The following EHMT1 variants were observed in gnomAD, a reference collection of about 807,000 sequenced individuals.
EHMT1 encodes the protein histone-lysine N-methyltransferase EHMT1.
Under a neutral mutation model 147.2 loss-of-function variants are expected in EHMT1, and 15 were observed. The ratio of observed to expected loss-of-function variants is 0.10; its 90% CI spans 0.07 to 0.16. EHMT1 has a LOEUF of 0.16. Among genes scored for constraint, EHMT1 ranks in the 10% least tolerant of loss-of-function variants. The probability of loss-of-function intolerance (pLI) is 1.00; values close to 1 mark genes in which losing one functional copy is unlikely to be tolerated. For missense variants in EHMT1, 1,587 were observed against 1,772.4 expected (o/e 0.90, Z 1.88); for synonymous variants, 795 against 709.6 (o/e 1.12, Z -1.91).
At chr9:137,623,742 G>T (rs1032159645) in intron 1 of EHMT1, among the ~76,000 whole-genome samples, 1 of 152,138 alleles carries the variant, frequency 6.6e-6, no homozygotes, top group Admixed American at 6.5e-5. Flanking sequence ...TATTCTGCCC[G>T]TGCGCTTAGT....
intron 1 of EHMT1, among the ~76,000 whole-genome samples, chr9:137,676,848 G>A (rs1017645792): frequency 6.6e-6 from 1 of 152,114 alleles, no homozygotes; most frequent in African/African-American, 2.4e-5. Flanking sequence ...TCTGTGAGAT[G>A]GGGGTCCTGT....
chr9:137,684,829 T>C (rs980714929), intron 1 of EHMT1, among the ~76,000 whole-genome samples: 1 of 152,180 alleles, frequency 6.6e-6, no homozygotes, highest in Non-Finnish European at 1.5e-5. Context: ...ATATAACTAG[T>C]CAACGTCAGG....
In EHMT1 at chr9:137,659,018, G is replaced by GT. The variant is rs913280062; in HGVS notation, c.21+39972dup. ...GCAAGCCCACATCCTCTTTCCTTGA[G>GT]TTTGAGTCAATTGAATGTGTGTAAA... On this transcript the variant is annotated intron_variant, in intron 1 of 26. Coordinates refer to ENST00000460843, the MANE Select transcript of EHMT1 (RefSeq NM_024757.5). Among the ~76,000 whole-genome samples the GT allele has an allele frequency of 1.5e-3, 230 of 152,176 alleles. 1 individual carries two copies. Among genetic ancestry groups the GT allele is most frequent in the African/African-American group, 5.4e-3 (224 of 41,516 alleles).
Position 137,716,654 on chromosome 9 carries a change from A to T in EHMT1, c.114A>T (p.Ser38=), listed in dbSNP as rs1305499671. 1 of 1,588,320 alleles carries T rather than the reference A, an allele frequency of 6.3e-7. No homozygotes were observed. The highest frequency in any genetic ancestry group is 1.3e-5 in the African/African-American group (1 of 74,076). ...CACCTATGGCTGCCGATGAAGGCTC[A>T]GCAGAGAAACAGGCAGGAGAGGCCC... ...EETPMAADEG[S]AEKQAGEAHM... The change falls in exon 3 of 27, where the codon TCA becomes TCT. Residue 38 remains serine (S), a synonymous_variant. Transcript: ENST00000460843.
intron 25 of EHMT1, among the ~76,000 whole-genome samples, chr9:137,830,386 T>G (rs753204794): frequency 1.3e-5 from 2 of 152,248 alleles, no homozygotes; most frequent in African/African-American, 4.8e-5. Flanking sequence ...CAGGGTGCCA[T>G]GGGCTCTTGA....
intron 3 of EHMT1, among the ~76,000 whole-genome samples, chr9:137,720,163 G>C (rs1345242327): frequency 6.7e-6 from 1 of 148,184 alleles, no homozygotes; most frequent in African/African-American, 2.5e-5. Flanking sequence ...CACAGTCGAG[G>C]TGCCGAACCC....
In EHMT1 at chr9:137,817,422, T is replaced by A; in HGVS notation, c.3375-17T>A. 2 of 1,611,400 alleles carry A rather than the reference T, an allele frequency of 1.2e-6. No individual in the cohort carries two copies. The highest frequency in any genetic ancestry group is 1.7e-6 in the Non-Finnish European group (2 of 1,178,138). On this transcript the variant is annotated splice_polypyrimidine_tract_variant and intron_variant, in intron 23 of 26. Coordinates refer to ENST00000460843, the MANE Select transcript of EHMT1 (RefSeq NM_024757.5). ...TGAGGCTGTGGCCTGGGTTCACCACTACTCTCTATTTTTCAGGGCAAGGCT... is the reference window on the plus strand; with the variant it reads ...TGAGGCTGTGGCCTGGGTTCACCACAACTCTCTATTTTTCAGGGCAAGGCT...
chr9:137,698,809 T>C (rs1943602947), intron 1 of EHMT1, among the ~76,000 whole-genome samples: 1 of 152,184 alleles, frequency 6.6e-6, no homozygotes, highest in Non-Finnish European at 1.5e-5. Flanking sequence ...TATGGGCTTG[T>C]CTTTGAATAA....
Position 137,700,220 on chromosome 9 carries a change from G to C in EHMT1, c.22-10747G>C, listed in dbSNP as rs1434607111. The stretch of plus-strand genomic sequence containing the variant: ...TCTATCCCTTTTGGATATTTTCTGA[G>C]CTGTGAATGTAACTGGGTGTCTCAT... On this transcript the variant is annotated intron_variant, in intron 1 of 26. Coordinates refer to ENST00000460843, the MANE Select transcript of EHMT1 (RefSeq NM_024757.5). Among the ~76,000 whole-genome samples, 4 of 152,130 alleles carry C rather than the reference G, an allele frequency of 2.6e-5. No individual in the cohort carries two copies. In the South Asian group the frequency reaches 8.3e-4, roughly 32 times the overall value.
intron 25 of EHMT1, among the ~76,000 whole-genome samples, chr9:137,824,754 A>G (rs1396553611): frequency 3.3e-5 from 5 of 152,262 alleles, no homozygotes; most frequent in Admixed American, 2.0e-4. Context: ...TGTATTATAA[A>G]CAGTATTGTT....
intron 3 of EHMT1, among the ~76,000 whole-genome samples, chr9:137,722,276 A>G (rs912691975): frequency 6.6e-6 from 1 of 152,224 alleles, no homozygotes; most frequent in East Asian, 1.9e-4. Flanking sequence ...AAATTTTTAG[A>G]AAATTCTCTG....
At chr9:137,790,992 A>G (rs367996300) in intron 16 of EHMT1, 22 bp downstream of exon 16, 7 of 1,614,074 alleles carry the variant, frequency 4.3e-6, no homozygotes, top group Middle Eastern at 1.6e-4. Context: ...TGTCAGAATC[A>G]ACGTCCTAGT....
chr9:137,815,574 A>AGTGCAGGAGG (rs1954853788), intron 22 of EHMT1: 1 of 338,642 alleles, frequency 3.0e-6, no homozygotes, highest in African/African-American at 2.1e-5. Flanking sequence ...GGAGGCCAGG[A>AGTGCAGGAGG]GTGCAGGAGG....
At chr9:137,639,796 ATTTTAT>A (rs935151729) in intron 1 of EHMT1, among the ~76,000 whole-genome samples, 4 of 151,958 alleles carry the variant, frequency 2.6e-5, no homozygotes, top group African/African-American at 4.8e-5. Context: ...GATAGAAGAG[ATTTTAT>A]TTTTAAAGTG....
intron 1 of EHMT1, among the ~76,000 whole-genome samples, chr9:137,658,047 C>T (rs905852791): frequency 1.3e-5 from 2 of 152,176 alleles, no homozygotes; most frequent in Non-Finnish European, 2.9e-5. Context: ...ATGATGGGAT[C>T]TCATTCTGTT....
chr9:137,759,129 A>T (rs572240951), intron 9 of EHMT1, among the ~76,000 whole-genome samples: 3 of 149,194 alleles, frequency 2.0e-5, no homozygotes, highest in Non-Finnish European at 4.5e-5. Context: ...CGTCTCAATT[A>T]AAAAAAAAAC....
At chr9:137,688,933 A>T (rs890553411) in intron 1 of EHMT1, among the ~76,000 whole-genome samples, 7 of 152,136 alleles carry the variant, frequency 4.6e-5, no homozygotes, top group African/African-American at 1.7e-4. Flanking sequence ...GTCTTTGTAC[A>T]AGAGGAAGTG....
intron 10 of EHMT1, among the ~76,000 whole-genome samples, chr9:137,769,260 A>C (rs1161054072): frequency 7.2e-6 from 1 of 138,418 alleles, no homozygotes; most frequent in East Asian, 2.0e-4. Flanking sequence ...TTTTTGCTTT[A>C]AGTATTTTTT....
intron 1 of EHMT1, among the ~76,000 whole-genome samples, chr9:137,702,208 C>T (rs564076133): frequency 4.3e-4 from 66 of 152,324 alleles, no homozygotes; most frequent in African/African-American, 1.6e-3. Context: ...GTCCTTCTCA[C>T]ATTTCAAAAC....
Sources: gnomAD v4.1 joint callset for allele counts (sites outside exome capture counted in the v4.1 genomes callset) on GRCh38, gnomAD v4.1.1 for gene constraint, MANE v1.5 for transcripts, NCBI Gene and HGNC (gene_info 2026-07-23, HGNC 2026-07-21) for gene names.